MEGF11: variants seen among roughly 807,000 people sequenced by gnomAD.
The protein encoded by MEGF11 is multiple epidermal growth factor-like domains protein 11.
A neutral mutation model predicts 146.6 loss-of-function variants in MEGF11; 126 were observed. The ratio of observed to expected loss-of-function variants is 0.86; its 90% CI spans 0.74 to 1.00. The LOEUF (loss-of-function observed/expected upper bound fraction) is 1.00. MEGF11 is among the 50% of genes least tolerant of loss of function. The probability of loss-of-function intolerance (pLI) is 0.00; values close to 1 mark genes in which losing one functional copy is unlikely to be tolerated. For synonymous variants in MEGF11, 532 were observed against 583.4 expected (o/e 0.91, Z 1.27); for missense variants, 1,509 against 1,521.2 (o/e 0.99, Z 0.13).
chr15:66,161,528 G>A (rs1426427621), intron 1 of MEGF11, among the ~76,000 whole-genome samples: 1 of 152,142 alleles, frequency 6.6e-6, no homozygotes, highest in Non-Finnish European at 1.5e-5. Context: ...TGGGACTACA[G>A]GCGTGTACCA....
intron 1 of MEGF11, among the ~76,000 whole-genome samples, chr15:66,145,484 T>C (rs939258877): frequency 1.3e-5 from 2 of 152,142 alleles, no homozygotes; most frequent in African/African-American, 4.8e-5. Flanking sequence ...CTGAACTGGA[T>C]GCATTTGGCT....
intron 5 of MEGF11, among the ~76,000 whole-genome samples, chr15:66,021,374 T>C (rs1318695126): frequency 1.3e-5 from 2 of 152,272 alleles, no homozygotes; most frequent in Non-Finnish European, 2.9e-5. Context: ...ATCTTTTATA[T>C]GTATGAGTCT....
intron 1 of MEGF11, among the ~76,000 whole-genome samples, chr15:66,211,266 G>A (rs1378286291): frequency 2.0e-5 from 3 of 152,348 alleles, no homozygotes; most frequent in South Asian, 2.1e-4. Context: ...GCTCACGCCT[G>A]TAATCTCAGC....
intron 1 of MEGF11, among the ~76,000 whole-genome samples, chr15:66,166,534 G>A (rs1223280884): frequency 6.6e-6 from 1 of 152,052 alleles, no homozygotes; most frequent in Non-Finnish European, 1.5e-5. Context: ...TTCACAACCG[G>A]GATAAACCCA....
intron 1 of MEGF11, among the ~76,000 whole-genome samples, chr15:66,180,652 G>A (rs2090520994): frequency 6.6e-6 from 1 of 152,204 alleles, no homozygotes; most frequent in Non-Finnish European, 1.5e-5. Flanking sequence ...AAATGTGAGA[G>A]CGGTAATCCA....
At chr15:66,113,474 T>C (rs1051469140) in intron 4 of MEGF11, among the ~76,000 whole-genome samples, 8 of 152,068 alleles carry the variant, frequency 5.3e-5, no homozygotes, top group African/African-American at 1.7e-4. Context: ...AGACGGGGAA[T>C]TGGGCAGATA....
chr15:65,930,812 G>T lies in MEGF11; in HGVS notation c.1408+11C>A, dbSNP rs1442599850. 2.5e-6 allele frequency: 4 copies of T among 1,599,668 alleles called. No individual in the cohort carries two copies. The East Asian group carries it at 9.1e-5, about 36-fold the overall frequency. On this transcript the variant is annotated intron_variant, in intron 11 of 25. Transcript: ENST00000395614. ...ATGTCAGGGATGGGCTTGGGAGAGA[G>T]GGCACATTACCTTCCTTGCAGGTAC... is the stretch of plus-strand genomic sequence containing the variant.
chr15:66,022,804 C>T (rs904500196), intron 5 of MEGF11, among the ~76,000 whole-genome samples: 3 of 149,574 alleles, frequency 2.0e-5, no homozygotes, highest in Non-Finnish European at 4.4e-5. Context: ...ATTGTGTTTG[C>T]ACCACTGCAC....
chr15:66,226,762 C>A (rs1284809317), intron 1 of MEGF11, among the ~76,000 whole-genome samples: 2 of 152,102 alleles, frequency 1.3e-5, no homozygotes, highest in African/African-American at 4.8e-5. Flanking sequence ...TGGAACATGT[C>A]CTCCGAGAAT....
In MEGF11 at chr15:66,010,066, T is replaced by C. The variant is rs184104009; in HGVS notation, c.395-27578A>G. Among the ~76,000 whole-genome samples the C allele has an allele frequency of 1.8e-3, 271 of 150,592 alleles. 1 individual carries two copies. Among genetic ancestry groups the C allele is most frequent in the Non-Finnish European group, 1.5e-3 (101 of 67,902 alleles). On this transcript the variant is annotated intron_variant, in intron 5 of 25. Coordinates refer to ENST00000395614, the MANE Select transcript of MEGF11 (RefSeq NM_001385028.1). The stretch of plus-strand genomic sequence containing the variant: ...TATATGACAAACCAGCATAATCCAA[T>C]AGAGAATGGGTGTCCAGTGTTTTGG...
Position 65,993,592 on chromosome 15 carries a change from G to A in MEGF11, c.395-11104C>T, listed in dbSNP as rs184284194. Among the ~76,000 whole-genome samples, 64 of 152,318 alleles carry A rather than the reference G, an allele frequency of 4.2e-4. No individual in the cohort carries two copies. The East Asian group carries it at 5.8e-3, about 14-fold the overall frequency. On this transcript the variant is annotated intron_variant, in intron 5 of 25. Coordinates refer to ENST00000395614, the MANE Select transcript of MEGF11 (RefSeq NM_001385028.1). ...GCCTTGTTGGTCCTGCACCCTCCCC[G>A]ACGTGGCCCCCTCACTTGCCTTTTG...
At position 65,917,879 on chromosome 15, in the gene MEGF11, C is replaced by T. The variant is rs1190216077; in HGVS notation, c.2086+87G>A. The T allele has an allele frequency of 8.5e-6, 13 of 1,524,554 alleles. 1 individual carries two copies. The highest frequency in any genetic ancestry group is 1.1e-5 in the Non-Finnish European group (12 of 1,107,380). The allele number at this position is 1,524,554 out of a possible 1,614,324, so 94.4% of individuals were successfully genotyped here. ...GAGATTTCATCCCTGGAAGTGGAGG[C>T]ACCAGGACAGAGAGGTTTTGGGCAA... is the stretch of plus-strand genomic sequence containing the variant. On this transcript the variant is annotated intron_variant, in intron 16 of 25. Transcript: ENST00000395614.
At chr15:66,071,716 G>C (rs1167834164) in intron 5 of MEGF11, among the ~76,000 whole-genome samples, 1 of 152,128 alleles carries the variant, frequency 6.6e-6, no homozygotes, top group Admixed American at 6.5e-5. Context: ...ATTTCCTTTG[G>C]CAGCAGCAAC....
intron 5 of MEGF11, among the ~76,000 whole-genome samples, chr15:66,067,773 T>C (rs1365320683): frequency 2.0e-5 from 3 of 152,244 alleles, no homozygotes; most frequent in Non-Finnish European, 4.4e-5. Context: ...CAGCCCCCTT[T>C]GCCTGTCAGG....
In MEGF11 at chr15:65,970,648, G is replaced by A. The variant is rs560375185; in HGVS notation, c.804C>T (p.Gly268=). ...AAGGACAATCCTGGCTGCAGTTCTG[G>A]CCAAATGTCCCTGGTGGGCAGGGCT... is the stretch of plus-strand genomic sequence containing the variant. ...CAQPCPPGTF[G]QNCSQDCPCH... The change falls in exon 8 of 26, where the codon GGC becomes GGT. Residue 268 remains glycine, a synonymous_variant. Transcript: ENST00000395614. 77 of 1,613,246 alleles carry A rather than the reference G, an allele frequency of 4.8e-5. 1 individual carries two copies. In the Middle Eastern group the frequency reaches 4.3e-3, roughly 90 times the overall value.
intron 17 of MEGF11, chr15:65,916,531 G>A: frequency 1.5e-6 from 1 of 655,226 alleles, no homozygotes; most frequent in South Asian, 1.9e-5. Context: ...TGTGGACACA[G>A]GCTGCTCCTC....
intron 1 of MEGF11, among the ~76,000 whole-genome samples, chr15:66,134,717 A>AGG (rs2088812500): frequency 1.3e-5 from 2 of 152,092 alleles, no homozygotes; most frequent in African/African-American, 4.8e-5. Flanking sequence ...CAGCGGGGAG[A>AGG]AGGGCGCTGA....
intron 5 of MEGF11, among the ~76,000 whole-genome samples, chr15:66,008,441 A>ACACACG (rs2082596828): frequency 2.0e-5 from 3 of 149,020 alleles, no homozygotes; most frequent in African/African-American, 7.4e-5. Flanking sequence ...ACACACACAC[A>ACACACG]CACACACACA....
At chr15:66,010,261 C>T (rs954276255) in intron 5 of MEGF11, among the ~76,000 whole-genome samples, 6 of 149,422 alleles carry the variant, frequency 4.0e-5, no homozygotes, top group Non-Finnish European at 5.9e-5. Flanking sequence ...AGCATGATCT[C>T]GGCTCACTGC....
Sources: gnomAD v4.1 joint callset for allele counts (sites outside exome capture counted in the v4.1 genomes callset) on GRCh38, gnomAD v4.1.1 for gene constraint, MANE v1.5 for transcripts, NCBI Gene and HGNC (gene_info 2026-07-23, HGNC 2026-07-21) for gene names.